Variants in SLC1A3 observed in about 807,000 individuals in gnomAD.
SLC1A3 encodes solute carrier family 1 member 3.
In SLC1A3, 21 loss-of-function variants were observed where a neutral mutation model predicts 48.1. That is an observed-to-expected ratio of 0.44 (90% CI 0.31 to 0.63). SLC1A3 has a LOEUF of 0.63. Among genes scored for constraint, SLC1A3 ranks in the 20% least tolerant of loss-of-function variants. The probability of loss-of-function intolerance (pLI) is 0.08; values close to 1 mark genes in which losing one functional copy is unlikely to be tolerated. For missense variants in SLC1A3, 546 were observed against 689.0 expected (o/e 0.79, Z 2.32); for synonymous variants, 239 against 251.4 (o/e 0.95, Z 0.47).
chr5:36,610,310 T>G (rs1312233155), intron 2 of SLC1A3, among the ~76,000 whole-genome samples: 3 of 152,236 alleles, frequency 2.0e-5, no homozygotes, highest in Admixed American at 6.5e-5. Context: ...GTCATTTAAC[T>G]GCATGATTTA....
At chr5:36,604,001 C>T (rs895890757), upstream of SLC1A3, among the ~76,000 whole-genome samples, 1 of 152,180 alleles carries the variant, frequency 6.6e-6, no homozygotes, top group Non-Finnish European at 1.5e-5. Flanking sequence ...TCAGCACGTG[C>T]TTATTACCGT....
At chr5:36,615,966 G>C (rs902736219) in intron 2 of SLC1A3, among the ~76,000 whole-genome samples, 1 of 152,206 alleles carries the variant, frequency 6.6e-6, no homozygotes, top group Non-Finnish European at 1.5e-5. Context: ...GGGAGGCCGA[G>C]GCGGGTGGAT....
intron 2 of SLC1A3, among the ~76,000 whole-genome samples, chr5:36,611,571 T>C (rs1739198114): frequency 6.6e-6 from 1 of 152,188 alleles, no homozygotes; most frequent in South Asian, 2.1e-4. Context: ...AGTCTGAATG[T>C]GCCATGCCAT....
At chr5:36,630,029 GAA>G in intron 3 of SLC1A3, 1 of 232,172 alleles carries the variant, frequency 4.3e-6, no homozygotes, top group East Asian at 1.1e-4. Context: ...AGCCTTCTTG[GAA>G]GCCTCATCAA....
At chr5:36,600,597 C>T (rs564213350) in intron 1 of SLC1A3, among the ~76,000 whole-genome samples, 1 of 152,252 alleles carries the variant, frequency 6.6e-6, no homozygotes, top group South Asian at 2.1e-4. Flanking sequence ...CCTGGGGAGG[C>T]AGTGGGATGA....
Position 36,680,983 on chromosome 5 carries a change from A to T in SLC1A3, c.1289+394A>T, listed in dbSNP as rs192913651. Among the ~76,000 whole-genome samples, 520 of 152,240 alleles carry T rather than the reference A, an allele frequency of 3.4e-3. 1 individual carries two copies. The highest frequency in any genetic ancestry group is 6.8e-3 in the Middle Eastern group (2 of 294). ...ACCAGGGTTGGGAAGGGGATCCCAC[A>T]TAATCAAGAGGTGGGGATTTGGGGT... On this transcript the variant is annotated intron_variant, in intron 8 of 9. Coordinates refer to ENST00000265113, the MANE Select transcript of SLC1A3 (RefSeq NM_004172.5).
At chr5:36,673,412 G>A (rs1000687270) in intron 4 of SLC1A3, among the ~76,000 whole-genome samples, 23 of 152,180 alleles carry the variant, frequency 1.5e-4, no homozygotes, top group African/African-American at 5.5e-4. Flanking sequence ...CAGCCAGAGT[G>A]TTGTCCCTCA....
At chr5:36,597,233 C>CTT (rs70976237) in intron 1 of SLC1A3, among the ~76,000 whole-genome samples, 5,386 of 45,456 alleles carry the variant, frequency 0.12, 1,482 homozygotes, top group East Asian at 0.19. Flanking sequence ...TTCTTCCTTT[C>CTT]TTTTTTTTTT....
Position 36,677,268 on chromosome 5 carries a change from G to T in SLC1A3, c.860+84G>T, listed in dbSNP as rs960232666. 6.5e-6 allele frequency: 8 copies of T among 1,230,896 alleles called. No homozygotes were observed. The African/African-American group carries it at 1.2e-4, about 18-fold the overall frequency. The allele number at this position is 1,230,896 out of a possible 1,614,324, so 76.2% of individuals were successfully genotyped here. A position where few individuals can be genotyped will look rare whatever the true frequency, so the allele number is the denominator to read the frequency against. ...TGTTCTGTACTGAGGAAGGTGCCAC[G>T]AGGCAGGATGGCCAATTGCAGTTAT... is the stretch of plus-strand genomic sequence containing the variant. On this transcript the variant is annotated intron_variant, in intron 6 of 9. Transcript: ENST00000265113.
chr5:36,680,249 G>T, intron 7 of SLC1A3, 146 bp from the exon 8 acceptor site: 1 of 740,206 alleles, frequency 1.4e-6, no homozygotes, highest in South Asian at 1.5e-5. Context: ...TTCTTAACCT[G>T]CTCCCCTATT....
chr5:36,612,974 T>C, intron 2 of SLC1A3: 1 of 399,168 alleles, frequency 2.5e-6, no homozygotes, highest in Admixed American at 2.8e-5. Context: ...GGCAATTGAT[T>C]CAATGAGAGA....
chr5:36,627,493 A>G (rs1475008059), intron 2 of SLC1A3, among the ~76,000 whole-genome samples: 2 of 143,544 alleles, frequency 1.4e-5, no homozygotes, highest in East Asian at 4.1e-4. Context: ...CTAAAACTAC[A>G]CTAAAAAAAA....
chr5:36,672,046 C>A (rs903990278), intron 4 of SLC1A3, among the ~76,000 whole-genome samples: 3 of 152,120 alleles, frequency 2.0e-5, no homozygotes, highest in Non-Finnish European at 4.4e-5. Flanking sequence ...AACCTACAAA[C>A]GATGGTAAGG....
At chr5:36,657,620 G>GT (rs1302745094) in intron 3 of SLC1A3, among the ~76,000 whole-genome samples, 1 of 152,198 alleles carries the variant, frequency 6.6e-6, no homozygotes, top group Non-Finnish European at 1.5e-5. Flanking sequence ...GCATATGCCT[G>GT]TGATCATGAT....
chr5:36,646,003 T>C (rs1740826284), intron 3 of SLC1A3, among the ~76,000 whole-genome samples: 1 of 152,238 alleles, frequency 6.6e-6, no homozygotes, highest in Admixed American at 6.5e-5. Context: ...CTTTCACATA[T>C]GTAAGTAATA....
chr5:36,609,098 T>C (rs1463023465), intron 2 of SLC1A3: 1 of 987,028 alleles, frequency 1.0e-6, no homozygotes, highest in African/African-American at 1.7e-5. Flanking sequence ...TTTATGTGTT[T>C]GCACTCTCTC....
chr5:36,631,541 A>G (rs1431578550), intron 3 of SLC1A3, among the ~76,000 whole-genome samples: 2 of 152,250 alleles, frequency 1.3e-5, no homozygotes, highest in African/African-American at 4.8e-5. Flanking sequence ...TATAAGCTGC[A>G]AACAACTAAT....
chr5:36,599,508 C>CTTTTTTTTT (rs1176214248), intron 1 of SLC1A3, among the ~76,000 whole-genome samples: 839 of 78,230 alleles, frequency 0.011, 110 homozygotes, highest in African/African-American at 0.018. Context: ...TACGGTTGAA[C>CTTTTTTTTT]TTTTTTTTTT....
At chr5:36,646,021 T>C (rs911637305) in intron 3 of SLC1A3, among the ~76,000 whole-genome samples, 1 of 152,250 alleles carries the variant, frequency 6.6e-6, no homozygotes, top group Admixed American at 6.5e-5. Flanking sequence ...ATATATGTAG[T>C]GATTACAAGA....
Sources: allele counts gnomAD v4.1 joint callset (sites outside exome capture counted in the v4.1 genomes callset), GRCh38; gene constraint gnomAD v4.1.1; transcripts MANE v1.5; gene names NCBI Gene and HGNC (gene_info 2026-07-23, HGNC 2026-07-21).